Variants in SPAG16 observed in about 807,000 individuals in gnomAD.
SPAG16 encodes the protein sperm associated antigen 16.
A neutral mutation model predicts 80.4 loss-of-function variants in SPAG16; 86 were observed. That is an observed-to-expected ratio of 1.07 (90% CI 0.90 to 1.28). SPAG16 has a LOEUF of 1.28. Among genes scored for constraint, SPAG16 ranks in the 50% most tolerant of loss-of-function variants. SPAG16 has a pLI of 0.00. For synonymous variants in SPAG16, 294 were observed against 265.9 expected, an observed-to-expected ratio of 1.11 and a Z score of -1.03; for missense variants, 870 against 765.3, an observed-to-expected ratio of 1.14 and a Z score of -1.61.
At chr2:214,270,131 T>G (rs1215143652) in intron 15 of SPAG16, among the ~76,000 whole-genome samples, 1 of 152,172 alleles carries the variant, frequency 6.6e-6, no homozygotes, top group Non-Finnish European at 1.5e-5. Flanking sequence ...TACAAGATCA[T>G]GCACTTAAAA....
At chr2:213,917,348 T>C (rs935530648) in intron 11 of SPAG16, among the ~76,000 whole-genome samples, 1 of 152,240 alleles carries the variant, frequency 6.6e-6, no homozygotes, top group Non-Finnish European at 1.5e-5. Flanking sequence ...GCATTGAATC[T>C]ATAAACTGCT....
At chr2:214,218,701 T>C (rs987093681) in intron 15 of SPAG16, among the ~76,000 whole-genome samples, 1 of 152,212 alleles carries the variant, frequency 6.6e-6, no homozygotes, top group Non-Finnish European at 1.5e-5. Context: ...TATACAGATA[T>C]GACATTTACA....
At chr2:213,923,990 G>T (rs17708794) in intron 11 of SPAG16, 28,268 of 152,252 alleles carry the variant, frequency 0.19, 3,209 homozygotes, top group South Asian at 0.32. Flanking sequence ...TGGAACAACT[G>T]GGCTGGAAGC....
intron 15 of SPAG16, among the ~76,000 whole-genome samples, chr2:214,307,910 A>T (rs928595508): frequency 6.6e-6 from 1 of 152,090 alleles, no homozygotes; most frequent in South Asian, 2.1e-4. Context: ...GGTACATTTG[A>T]TCCAGTGCTG....
At chr2:214,053,042 C>T (rs924920843) in intron 13 of SPAG16, among the ~76,000 whole-genome samples, 3 of 152,110 alleles carry the variant, frequency 2.0e-5, no homozygotes, top group Non-Finnish European at 4.4e-5. Context: ...GTAGAGTTCA[C>T]ATGGGACCAA....
At chr2:213,493,207 T>A (rs2074342277) in intron 10 of SPAG16, among the ~76,000 whole-genome samples, 1 of 152,244 alleles carries the variant, frequency 6.6e-6, no homozygotes, top group Non-Finnish European at 1.5e-5. Context: ...CGACCTAGGA[T>A]AATTGCTATA....
At chr2:214,319,197 ACAC>A (rs1475695953) in intron 15 of SPAG16, among the ~76,000 whole-genome samples, 11 of 22,202 alleles carry the variant, frequency 5.0e-4, no homozygotes, top group Admixed American at 2.5e-3. Context: ...GCACACACAC[ACAC>A]CACACACACA....
intron 10 of SPAG16, among the ~76,000 whole-genome samples, chr2:213,802,681 A>G (rs1392309916): frequency 2.0e-5 from 3 of 152,238 alleles, no homozygotes; most frequent in Non-Finnish European, 4.4e-5. Context: ...AAGAGTATTC[A>G]TGATTTAAAA....
At chr2:214,256,688 A>G (rs1219984252) in intron 15 of SPAG16, among the ~76,000 whole-genome samples, 1 of 151,920 alleles carries the variant, frequency 6.6e-6, no homozygotes. Context: ...AACTGTCCAC[A>G]CTGGGTTCCT....
intron 13 of SPAG16, among the ~76,000 whole-genome samples, chr2:214,090,902 G>A (rs1009156244): frequency 6.6e-6 from 1 of 151,934 alleles, no homozygotes; most frequent in Non-Finnish European, 1.5e-5. Flanking sequence ...ATCTGTTGAT[G>A]AGATTAATAA....
chr2:213,972,736 T>C lies in SPAG16; in HGVS notation c.1401-41215T>C, dbSNP rs578136469. ...CCATCACAGAGTCTTTTATTTACTT[T>C]TAATTTGCTTTTTGTCTTCTTGTTG... On this transcript the variant is annotated intron_variant, in intron 12 of 15. Coordinates refer to ENST00000331683, the MANE Select transcript of SPAG16 (RefSeq NM_024532.5). Among the ~76,000 whole-genome samples, 13 of 152,274 alleles carry C rather than the reference T, an allele frequency of 8.5e-5. No individual in the cohort carries two copies. In the South Asian group the frequency reaches 2.7e-3, roughly 32 times the overall value.
intron 3 of SPAG16, among the ~76,000 whole-genome samples, chr2:213,300,583 T>C (rs1276924198): frequency 6.6e-6 from 1 of 152,216 alleles, no homozygotes; most frequent in Non-Finnish European, 1.5e-5. Flanking sequence ...GCTGTTCCTC[T>C]AAATACTAAA....
intron 15 of SPAG16, among the ~76,000 whole-genome samples, chr2:214,285,992 T>C (rs571682450): frequency 1.6e-3 from 240 of 152,302 alleles, no homozygotes; most frequent in African/African-American, 5.4e-3. Context: ...AGTTTTATGA[T>C]TTTTGGAAAT....
chr2:214,182,912 A>G (rs1047610648), intron 15 of SPAG16, among the ~76,000 whole-genome samples: 1 of 151,944 alleles, frequency 6.6e-6, no homozygotes, highest in African/African-American at 2.4e-5. Context: ...TACTGTGGCC[A>G]TCAATTATGT....
chr2:214,138,558 T>A (rs2055182520), intron 14 of SPAG16, among the ~76,000 whole-genome samples: 1 of 152,158 alleles, frequency 6.6e-6, no homozygotes, highest in South Asian at 2.1e-4. Context: ...ATCCTTTACT[T>A]CTTCAGCTCA....
At chr2:214,108,001 T>C (rs2053468421) in intron 13 of SPAG16, among the ~76,000 whole-genome samples, 195 bp from the exon 14 acceptor site, 1 of 151,992 alleles carries the variant, frequency 6.6e-6, no homozygotes, top group African/African-American at 2.4e-5. Flanking sequence ...ACCAGTACTA[T>C]GGTATGCTCC....
chr2:213,679,233 T>C (rs1009059959), intron 10 of SPAG16, among the ~76,000 whole-genome samples: 4 of 152,224 alleles, frequency 2.6e-5, no homozygotes, highest in African/African-American at 9.6e-5. Context: ...TATGGTCATG[T>C]AAAATTGCTT....
chr2:213,868,096 T>A (rs2075777609), intron 11 of SPAG16, among the ~76,000 whole-genome samples: 1 of 152,040 alleles, frequency 6.6e-6, no homozygotes, highest in Admixed American at 6.6e-5. Context: ...TGTCTAAAAT[T>A]CATACCCAGT....
At chr2:213,441,051 G>T (rs1300360393) in intron 9 of SPAG16, among the ~76,000 whole-genome samples, 1 of 152,116 alleles carries the variant, frequency 6.6e-6, no homozygotes, top group South Asian at 2.1e-4. Flanking sequence ...GAATAAATTG[G>T]CATAATTAGT....
Sources: gnomAD v4.1 joint callset for allele counts (sites outside exome capture counted in the v4.1 genomes callset) on GRCh38, gnomAD v4.1.1 for gene constraint, MANE v1.5 for transcripts, NCBI Gene and HGNC (gene_info 2026-07-23, HGNC 2026-07-21) for gene names.